Variants in GXYLT2 observed in about 807,000 individuals in gnomAD.
The protein encoded by GXYLT2 is glucoside xylosyltransferase 2.
A neutral mutation model predicts 45.8 loss-of-function variants in GXYLT2; 53 were observed. The observed-to-expected ratio is 1.16, with a 90% CI of 0.93 to 1.46. The LOEUF is 1.46. Among genes scored for constraint, GXYLT2 ranks in the 40% most tolerant of loss-of-function variants. The pLI is 0.00. For missense variants in GXYLT2, 551 were observed against 544.4 expected, an observed-to-expected ratio of 1.01 and a Z score of -0.12; for synonymous variants, 219 against 214.2, an observed-to-expected ratio of 1.02 and a Z score of -0.19.
At chr3:72,901,273 A>G (rs1709399693) in intron 1 of GXYLT2, among the ~76,000 whole-genome samples, 1 of 143,968 alleles carries the variant, frequency 6.9e-6, no homozygotes, top group Non-Finnish European at 1.5e-5. Flanking sequence ...TGGGTGACAG[A>G]TCTAGACTCT....
chr3:72,922,160 T>TC (rs1452764550), intron 2 of GXYLT2, 44 bp from the exon 3 acceptor site: 1 of 1,585,118 alleles, frequency 6.3e-7, no homozygotes. Context: ...TTTCCATATT[T>TC]CCTAGGGCCT....
intron 3 of GXYLT2, among the ~76,000 whole-genome samples, chr3:72,948,403 A>G (rs1413706539): frequency 6.6e-6 from 1 of 152,238 alleles, no homozygotes; most frequent in African/African-American, 2.4e-5. Flanking sequence ...AAAGATGGCA[A>G]TCCTGCAGTG....
chr3:72,924,170 TC>T (rs1336429198), intron 3 of GXYLT2, among the ~76,000 whole-genome samples: 2 of 150,938 alleles, frequency 1.3e-5, no homozygotes, highest in African/African-American at 2.4e-5. Context: ...CAGCAAGCCA[TC>T]TAGAAGTGTC....
chr3:72,936,003 G>C (rs893694663), intron 3 of GXYLT2, among the ~76,000 whole-genome samples: 8 of 152,132 alleles, frequency 5.3e-5, no homozygotes, highest in African/African-American at 1.9e-4. Flanking sequence ...GAGAAAATCA[G>C]GAAGCCCGCC....
chr3:72,888,417 G>C lies in GXYLT2; in HGVS notation c.184G>C (p.Gly62Arg), dbSNP rs979068907. The part of the protein sequence containing the change: ...ARWPGPGALP[G>R]ASPGVRRRRP... The stretch of plus-strand genomic sequence containing the variant: ...CTGGCCGGGGCCGGGCGCCCTCCCC[G>C]GGGCCAGCCCGGGAGTTCGGAGGCG... Residue 62 changes from glycine to arginine, a missense_variant, in exon 1 of 7, where the codon GGG becomes CGG. Physicochemically the swap from Gly to Arg is moderately radical, Grantham distance 125. Transcript: ENST00000389617. The C allele has an allele frequency of 1.7e-5, 18 of 1,058,220 alleles. No homozygotes were observed. In the African/African-American group the frequency reaches 2.7e-4, roughly 16 times the overall value. The allele number at this position is 1,058,220 out of a possible 1,614,324, so 65.6% of individuals were successfully genotyped here. A position where few individuals can be genotyped will look rare whatever the true frequency, so the allele number is the denominator to read the frequency against.
At chr3:72,904,549 C>T (rs917230611) in intron 1 of GXYLT2, among the ~76,000 whole-genome samples, 1 of 151,796 alleles carries the variant, frequency 6.6e-6, no homozygotes, top group Admixed American at 6.6e-5. Flanking sequence ...CTAGCCCCTG[C>T]TTTTTGTACT....
intron 1 of GXYLT2, among the ~76,000 whole-genome samples, chr3:72,900,033 A>G (rs891349400): frequency 6.6e-6 from 1 of 152,206 alleles, no homozygotes; most frequent in African/African-American, 2.4e-5. Context: ...TTAGCTTGAC[A>G]GTTCAGGAGA....
chr3:72,958,351 C>T (rs566125844), intron 5 of GXYLT2, among the ~76,000 whole-genome samples: 5 of 152,022 alleles, frequency 3.3e-5, no homozygotes, highest in African/African-American at 9.6e-5. Context: ...CCTTACCCTA[C>T]CCTTTTCAGG....
intron 1 of GXYLT2, chr3:72,907,956 A>G (rs1045807874): frequency 3.7e-5 from 6 of 160,564 alleles, no homozygotes; most frequent in African/African-American, 1.4e-4. Flanking sequence ...TGGGAAAGCC[A>G]CAACCCACAC....
chr3:72,959,732 T>G (rs1017962076), intron 5 of GXYLT2, among the ~76,000 whole-genome samples: 1 of 151,636 alleles, frequency 6.6e-6, no homozygotes, highest in African/African-American at 2.4e-5. Flanking sequence ...CCCCCCAGGT[T>G]CAAGCAATTC....
At chr3:72,971,677 G>A (rs1364395164) in intron 6 of GXYLT2, among the ~76,000 whole-genome samples, 3 of 152,102 alleles carry the variant, frequency 2.0e-5, no homozygotes, top group African/African-American at 2.4e-5. Context: ...GGCCAGGTGC[G>A]GTGGCTCACA....
At chr3:72,965,424 C>A (rs776176213) in intron 5 of GXYLT2, among the ~76,000 whole-genome samples, 1 of 152,114 alleles carries the variant, frequency 6.6e-6, no homozygotes. Context: ...GGTGGTGTTA[C>A]TGATTTGCTG....
At chr3:72,907,448 T>C (rs1709534636) in intron 1 of GXYLT2, among the ~76,000 whole-genome samples, 2 of 152,172 alleles carry the variant, frequency 1.3e-5, no homozygotes, top group African/African-American at 4.8e-5. Flanking sequence ...TCCAAATCTT[T>C]TGTGCAAGTA....
intron 3 of GXYLT2, among the ~76,000 whole-genome samples, chr3:72,951,433 A>G (rs140156891): frequency 6.6e-6 from 1 of 152,332 alleles, no homozygotes; most frequent in African/African-American, 2.4e-5. Context: ...GACTTCTTAC[A>G]AAACCACTAT....
intron 2 of GXYLT2, among the ~76,000 whole-genome samples, chr3:72,910,872 A>G (rs1709604049): frequency 1.3e-5 from 2 of 152,202 alleles, no homozygotes. Flanking sequence ...GAAGCTGGCT[A>G]TGTGCAAACA....
chr3:72,916,092 A>C (rs950688035), intron 2 of GXYLT2, among the ~76,000 whole-genome samples: 4 of 151,300 alleles, frequency 2.6e-5, no homozygotes, highest in Admixed American at 6.6e-5. Context: ...GGCCAATGAA[A>C]TGTAGGTGAC....
intron 5 of GXYLT2, among the ~76,000 whole-genome samples, chr3:72,966,982 T>G (rs1710878372): frequency 6.6e-6 from 1 of 152,132 alleles, no homozygotes; most frequent in Non-Finnish European, 1.5e-5. Context: ...TTGCCCAAGC[T>G]GTTCTCAAAC....
intron 2 of GXYLT2, among the ~76,000 whole-genome samples, chr3:72,915,068 G>T (rs1405644057): frequency 6.6e-6 from 1 of 151,842 alleles, no homozygotes. Context: ...CATGAGAATC[G>T]CTTGAACCCG....
At chr3:72,970,207 C>T (rs531555030) in intron 6 of GXYLT2, among the ~76,000 whole-genome samples, 7 of 151,256 alleles carry the variant, frequency 4.6e-5, no homozygotes, top group East Asian at 2.0e-4. Context: ...AAAAATTAGC[C>T]GGGTATGGTG....
Sources: allele counts gnomAD v4.1 joint callset (sites outside exome capture counted in the v4.1 genomes callset), GRCh38; gene constraint gnomAD v4.1.1; transcripts MANE v1.5; gene names NCBI Gene and HGNC (gene_info 2026-07-23, HGNC 2026-07-21).